Variants in RORA observed in about 807,000 individuals in gnomAD.
RORA encodes the protein RAR related orphan receptor A, also known as nuclear receptor ROR-alpha.
In RORA, 7 loss-of-function variants were observed where a neutral mutation model predicts 69.5. The ratio of observed to expected loss-of-function variants is 0.10; its 90% CI spans 0.06 to 0.19. The LOEUF (loss-of-function observed/expected upper bound fraction) is 0.19. Among genes scored for constraint, RORA ranks in the 10% least tolerant of loss-of-function variants. The pLI is 1.00. For missense variants in RORA, 457 were observed against 663.0 expected, an observed-to-expected ratio of 0.69 and a Z score of 3.41; for synonymous variants, 261 against 240.8, an observed-to-expected ratio of 1.08 and a Z score of -0.78.
intron 1 of RORA, among the ~76,000 whole-genome samples, chr15:61,000,062 T>C (rs59970470): frequency 0.06 from 8,771 of 146,954 alleles, 841 homozygotes; most frequent in African/African-American, 0.21. Flanking sequence ...AAAAGCAAAG[T>C]TTTTTTTTTT....
At chr15:61,148,898 G>A (rs1488099352) in intron 1 of RORA, among the ~76,000 whole-genome samples, 1 of 152,160 alleles carries the variant, frequency 6.6e-6, no homozygotes, top group Admixed American at 6.5e-5. Flanking sequence ...CACACACCCT[G>A]CCTAAAAAGC....
At chr15:60,923,030 C>A (rs927322442) in intron 1 of RORA, among the ~76,000 whole-genome samples, 1 of 152,124 alleles carries the variant, frequency 6.6e-6, no homozygotes, top group Non-Finnish European at 1.5e-5. Context: ...ATAAACATAC[C>A]GCCCAAATTA....
At chr15:61,133,729 G>C (rs1179111252) in intron 1 of RORA, among the ~76,000 whole-genome samples, 2 of 152,268 alleles carry the variant, frequency 1.3e-5, no homozygotes, top group East Asian at 3.9e-4. Flanking sequence ...GTCCTTTCTT[G>C]AAATTGACTG....
At chr15:60,735,394 T>G (rs906032203) in intron 1 of RORA, among the ~76,000 whole-genome samples, 5 of 152,192 alleles carry the variant, frequency 3.3e-5, no homozygotes, top group African/African-American at 1.2e-4. Context: ...CAGCAAGTGT[T>G]ATTAAATCTG....
chr15:60,663,813 A>G (rs989522359), intron 2 of RORA, among the ~76,000 whole-genome samples: 1 of 152,242 alleles, frequency 6.6e-6, no homozygotes, highest in African/African-American at 2.4e-5. Context: ...AGAATCATGT[A>G]CGATATGTAG....
At chr15:61,074,398 C>T (rs562299652) in intron 1 of RORA, among the ~76,000 whole-genome samples, 6 of 152,300 alleles carry the variant, frequency 3.9e-5, no homozygotes, top group African/African-American at 7.2e-5. Context: ...GACCCTGCCC[C>T]GCAGTAGCCA....
intron 1 of RORA, among the ~76,000 whole-genome samples, chr15:61,065,343 T>C (rs1439426158): frequency 6.6e-6 from 1 of 152,228 alleles, no homozygotes; most frequent in African/African-American, 2.4e-5. Context: ...TAATTCTTAC[T>C]ACTCTAAGTT....
intron 1 of RORA, among the ~76,000 whole-genome samples, chr15:61,166,390 G>A (rs1221167475): frequency 2.0e-5 from 3 of 152,094 alleles, no homozygotes; most frequent in Non-Finnish European, 4.4e-5. Context: ...AGAGAGGAGG[G>A]CCCAGGGACA....
intron 1 of RORA, among the ~76,000 whole-genome samples, chr15:61,218,787 T>C (rs1405593690): frequency 6.6e-6 from 1 of 152,150 alleles, no homozygotes; most frequent in Non-Finnish European, 1.5e-5. Flanking sequence ...CAATGGCTGA[T>C]AGACACTTTT....
intron 10 of RORA, among the ~76,000 whole-genome samples, chr15:60,498,339 T>C (rs1244477560): frequency 6.6e-6 from 1 of 152,116 alleles, no homozygotes; most frequent in African/African-American, 2.4e-5. Flanking sequence ...GGTGGGTGGG[T>C]AGTGAAGGCA....
intron 1 of RORA, among the ~76,000 whole-genome samples, chr15:60,903,387 G>C (rs770684474): frequency 6.6e-6 from 1 of 152,136 alleles, no homozygotes; most frequent in African/African-American, 2.4e-5. Flanking sequence ...TGTTGGACGC[G>C]TTTATGGGCC....
chr15:61,034,307 A>T (rs782961), intron 1 of RORA, among the ~76,000 whole-genome samples: 9,845 of 152,236 alleles, frequency 0.065, 378 homozygotes, highest in East Asian at 0.15. Context: ...ATTTTCTTTT[A>T]AAAATGTCAT....
chr15:61,206,934 T>C (rs2079947358), intron 1 of RORA, among the ~76,000 whole-genome samples: 1 of 152,316 alleles, frequency 6.6e-6, no homozygotes, highest in Admixed American at 6.5e-5. Flanking sequence ...CTTCCACCAG[T>C]GGGAACAGTC....
chr15:60,539,216 G>T (rs1254019850), intron 2 of RORA, among the ~76,000 whole-genome samples: 1 of 152,206 alleles, frequency 6.6e-6, no homozygotes, highest in African/African-American at 2.4e-5. Flanking sequence ...AATCTCTGAA[G>T]AATAAGGAAG....
chr15:60,979,418 G>A (rs1042008917), intron 1 of RORA, among the ~76,000 whole-genome samples: 24 of 149,982 alleles, frequency 1.6e-4, no homozygotes, highest in African/African-American at 5.8e-4. Flanking sequence ...TGACAGGATT[G>A]CATTGAATCT....
intron 2 of RORA, among the ~76,000 whole-genome samples, chr15:60,552,059 G>A (rs2067240640): frequency 6.6e-6 from 1 of 152,318 alleles, no homozygotes. Context: ...GTGGTTCACA[G>A]TGGTGGTGTT....
intron 8 of RORA, 128 bp from the exon 9 acceptor site, chr15:60,501,197 G>C: frequency 1.6e-6 from 1 of 623,818 alleles, no homozygotes; most frequent in East Asian, 2.7e-5. Context: ...CATGGGGAAG[G>C]TGAAGAGAGA....
At chr15:60,820,799 A>G (rs12899762) in intron 1 of RORA, among the ~76,000 whole-genome samples, 2 of 152,166 alleles carry the variant, frequency 1.3e-5, no homozygotes, top group African/African-American at 4.8e-5. Context: ...GGTTCCCTTG[A>G]CTATATAGTA....
chr15:60,652,879 C>A (rs2140701155), intron 2 of RORA, among the ~76,000 whole-genome samples: 1 of 152,336 alleles, frequency 6.6e-6, no homozygotes, highest in Admixed American at 6.5e-5. Flanking sequence ...CTCTTCCTCT[C>A]CATTGTTTCT....
Sources: gnomAD v4.1 joint callset for allele counts (sites outside exome capture counted in the v4.1 genomes callset) on GRCh38, gnomAD v4.1.1 for gene constraint, MANE v1.5 for transcripts, NCBI Gene and HGNC (gene_info 2026-07-23, HGNC 2026-07-21) for gene names.